DENND1A: variants seen among roughly 807,000 people sequenced by gnomAD.
DENND1A encodes DENN domain containing 1A.
A neutral mutation model predicts 113.7 loss-of-function variants in DENND1A; 51 were observed. The ratio of observed to expected loss-of-function variants is 0.45; its 90% CI spans 0.36 to 0.57. DENND1A has a LOEUF of 0.57. Among genes scored for constraint, DENND1A ranks in the 20% least tolerant of loss-of-function variants. The probability of loss-of-function intolerance (pLI) is 0.00; values close to 1 mark genes in which losing one functional copy is unlikely to be tolerated. For synonymous variants in DENND1A, 565 were observed against 570.8 expected (o/e 0.99, Z 0.14); for missense variants, 1,258 against 1,395.9 (o/e 0.90, Z 1.57).
chr9:123,743,270 G>C (rs1028350966), intron 5 of DENND1A, among the ~76,000 whole-genome samples: 1 of 151,874 alleles, frequency 6.6e-6, no homozygotes, highest in East Asian at 1.9e-4. Flanking sequence ...ATATGGTGTC[G>C]TGCACCTGTA....
intron 3 of DENND1A, among the ~76,000 whole-genome samples, chr9:123,776,287 A>G (rs934863292): frequency 6.6e-6 from 1 of 152,120 alleles, no homozygotes; most frequent in Non-Finnish European, 1.5e-5. Context: ...TCTGATCACC[A>G]CCCCAGTAAC....
chr9:123,432,434 AAAC>A (rs1225585935), intron 19 of DENND1A, among the ~76,000 whole-genome samples: 1 of 152,178 alleles, frequency 6.6e-6, no homozygotes, highest in Admixed American at 6.5e-5. Flanking sequence ...GAATGAGTCC[AAAC>A]AACTCTGGAC....
chr9:123,533,726 T>C (rs541028158), intron 13 of DENND1A, among the ~76,000 whole-genome samples: 8 of 152,322 alleles, frequency 5.3e-5, no homozygotes, highest in African/African-American at 1.4e-4. Context: ...ACTTGTCCAA[T>C]AGAGTTTCTG....
chr9:123,575,382 C>T (rs1028420746), intron 12 of DENND1A, among the ~76,000 whole-genome samples: 7 of 152,126 alleles, frequency 4.6e-5, no homozygotes, highest in Non-Finnish European at 1.0e-4. Flanking sequence ...GGCTGGGTTC[C>T]GAACAGGCCA....
At chr9:123,484,439 T>C (rs2050614388) in intron 13 of DENND1A, among the ~76,000 whole-genome samples, 1 of 152,166 alleles carries the variant, frequency 6.6e-6, no homozygotes, top group African/African-American at 2.4e-5. Context: ...TCAATGGTTA[T>C]CATGCCTTTA....
At chr9:123,910,904 T>C (rs1292857759) in intron 1 of DENND1A, among the ~76,000 whole-genome samples, 2 of 152,152 alleles carry the variant, frequency 1.3e-5, no homozygotes, top group Admixed American at 6.5e-5. Context: ...GATGAAGCCA[T>C]TGCATTCCAG....
At chr9:123,869,618 G>A (rs1043086110) in intron 2 of DENND1A, among the ~76,000 whole-genome samples, 1 of 152,176 alleles carries the variant, frequency 6.6e-6, no homozygotes, top group African/African-American at 2.4e-5. Context: ...AGCATGTCAA[G>A]TACTCAGAGC....
chr9:123,429,752 A>AATCT (rs2045998106), intron 19 of DENND1A, among the ~76,000 whole-genome samples: 1 of 152,216 alleles, frequency 6.6e-6, no homozygotes, highest in Non-Finnish European at 1.5e-5. Context: ...CCTAGAAGAA[A>AATCT]ATCTGGGCAA....
intron 2 of DENND1A, among the ~76,000 whole-genome samples, chr9:123,823,296 T>C (rs1421469107): frequency 6.6e-6 from 1 of 152,196 alleles, no homozygotes; most frequent in Non-Finnish European, 1.5e-5. Context: ...GTAGCCTTGA[T>C]GGATGCAAAG....
chr9:123,487,286 AC>A (rs1412489224), intron 13 of DENND1A, among the ~76,000 whole-genome samples: 3 of 152,164 alleles, frequency 2.0e-5, no homozygotes, highest in African/African-American at 4.8e-5. Flanking sequence ...TTGGGCTTCT[AC>A]CATCTACAAT....
At chr9:123,649,006 T>G (rs2062496369) in intron 9 of DENND1A, among the ~76,000 whole-genome samples, 1 of 152,176 alleles carries the variant, frequency 6.6e-6, no homozygotes, top group Admixed American at 6.5e-5. Flanking sequence ...TACTACAGCT[T>G]TATAGAAAGT....
intron 12 of DENND1A, among the ~76,000 whole-genome samples, chr9:123,558,089 A>G (rs766778129): frequency 1.3e-5 from 2 of 152,230 alleles, no homozygotes; most frequent in African/African-American, 4.8e-5. Context: ...AACAATTTTT[A>G]ATGACTTACT....
intron 12 of DENND1A, among the ~76,000 whole-genome samples, chr9:123,563,542 T>A (rs1011782297): frequency 6.6e-6 from 1 of 152,210 alleles, no homozygotes; most frequent in African/African-American, 2.4e-5. Flanking sequence ...GGATATAAAA[T>A]GAAGAATGGA....
chr9:123,465,127 G>A (rs1045131551), intron 13 of DENND1A, among the ~76,000 whole-genome samples: 1 of 151,256 alleles, frequency 6.6e-6, no homozygotes, highest in Non-Finnish European at 1.5e-5. Flanking sequence ...GTTGCAGTGA[G>A]CCAACATTGT....
intron 19 of DENND1A, chr9:123,413,371 C>T (rs2044464728): frequency 1.0e-6 from 1 of 961,964 alleles, no homozygotes; most frequent in Non-Finnish European, 1.2e-6. Flanking sequence ...TTCAGAATTC[C>T]ACATGTGACT....
chr9:123,731,094 G>A (rs1396554024), intron 5 of DENND1A, among the ~76,000 whole-genome samples: 6 of 152,046 alleles, frequency 3.9e-5, no homozygotes, highest in African/African-American at 7.2e-5. Context: ...ATCACACACC[G>A]GGGTCTGTTG....
intron 13 of DENND1A, among the ~76,000 whole-genome samples, chr9:123,556,836 A>C (rs1564712774): frequency 6.6e-6 from 1 of 152,358 alleles, no homozygotes; most frequent in Non-Finnish European, 1.5e-5. Flanking sequence ...GAGAAACAGC[A>C]AAGAAGAACT....
At chr9:123,904,436 T>C (rs1336691696) in intron 1 of DENND1A, among the ~76,000 whole-genome samples, 1 of 150,006 alleles carries the variant, frequency 6.7e-6, no homozygotes, top group Non-Finnish European at 1.5e-5. Flanking sequence ...CGGGAGGACA[T>C]TCAAACCAAA....
intron 2 of DENND1A, among the ~76,000 whole-genome samples, chr9:123,816,227 C>T (rs1837462898): frequency 6.6e-6 from 1 of 152,074 alleles, no homozygotes; most frequent in Non-Finnish European, 1.5e-5. Flanking sequence ...GTCTCGAACT[C>T]CTGGGTTCAA....
Sources: allele counts gnomAD v4.1 joint callset (sites outside exome capture counted in the v4.1 genomes callset), GRCh38; gene constraint gnomAD v4.1.1; transcripts MANE v1.5; gene names NCBI Gene and HGNC (gene_info 2026-07-23, HGNC 2026-07-21).